The following GRID1 variants were observed in gnomAD, a reference collection of about 807,000 sequenced individuals.
GRID1 encodes the protein glutamate ionotropic receptor delta type subunit 1, also known as glutamate receptor ionotropic, delta-1.
In GRID1, 28 loss-of-function variants were observed where a neutral mutation model predicts 98.0. That is an observed-to-expected ratio of 0.29 (90% CI 0.21 to 0.39). GRID1 has a LOEUF of 0.39. Among genes scored for constraint, GRID1 ranks in the 10% least tolerant of loss-of-function variants. GRID1 has a pLI of 1.00. For synonymous variants in GRID1, 553 were observed against 538.5 expected, an observed-to-expected ratio of 1.03 and a Z score of -0.37; for missense variants, 1,111 against 1,340.5, an observed-to-expected ratio of 0.83 and a Z score of 2.67.
rs528399197 is a variant in GRID1 at position 86,292,804 on chromosome 10, G to T, written c.235+71137C>A. Reference sequence around the variant, plus strand: ...GGTGTGTGTATGCAAGTGTGGGTGTGAGTGTGGATGTTAACGTGAGTTTGT... The same window carrying T: ...GGTGTGTGTATGCAAGTGTGGGTGTTAGTGTGGATGTTAACGTGAGTTTGT... On this transcript the variant is annotated intron_variant, in intron 2 of 15. Transcript: ENST00000327946. Among the ~76,000 whole-genome samples, 4 of 152,198 alleles carry T rather than the reference G, an allele frequency of 2.6e-5. No individual in the cohort carries two copies. In the South Asian group the frequency reaches 8.3e-4, roughly 32 times the overall value.
intron 4 of GRID1, chr10:86,052,392 A>C (rs967238956): frequency 3.9e-5 from 6 of 152,198 alleles, no homozygotes; most frequent in Non-Finnish European, 7.3e-5. Context: ...TTAATTTTTG[A>C]AACTTTTCAA....
intron 2 of GRID1, among the ~76,000 whole-genome samples, chr10:86,262,865 G>C (rs1426079080): frequency 6.6e-6 from 1 of 152,158 alleles, no homozygotes; most frequent in Non-Finnish European, 1.5e-5. Context: ...GAGAGCCCAG[G>C]AGCCAGAAGC....
At chr10:86,070,999 C>T (rs1228323646) in intron 4 of GRID1, among the ~76,000 whole-genome samples, 1 of 152,236 alleles carries the variant, frequency 6.6e-6, no homozygotes, top group Non-Finnish European at 1.5e-5. Context: ...CCCAAGCTGA[C>T]ACACTGCAGG....
At chr10:85,756,290 C>T (rs1408201850) in intron 8 of GRID1, among the ~76,000 whole-genome samples, 1 of 152,126 alleles carries the variant, frequency 6.6e-6, no homozygotes, top group Admixed American at 6.6e-5. Context: ...GATTCGTTCT[C>T]GCCGTAGATC....
rs76607261 is a variant in GRID1 at position 85,959,678 on chromosome 10, G to C, written c.727-43439C>G. Among the ~76,000 whole-genome samples the C allele has an allele frequency of 4.3e-3, 650 of 152,260 alleles. 21 individuals carry two copies. In the East Asian group the frequency reaches 0.085, roughly 20 times the overall value. The stretch of plus-strand genomic sequence containing the variant: ...CTTTTGCTCAGCATAATGTTTTTGA[G>C]ATTCATCTTTGTCACTGTGTGTATC... On this transcript the variant is annotated intron_variant, in intron 4 of 15. Transcript: ENST00000327946.
chr10:85,831,379 C>A (rs965586838), intron 8 of GRID1, among the ~76,000 whole-genome samples: 3 of 151,984 alleles, frequency 2.0e-5, no homozygotes, highest in Admixed American at 2.0e-4. Flanking sequence ...ACCAAACCCC[C>A]ATGACATGCA....
At chr10:85,634,998 G>GGAAAA (rs1843019122) in intron 13 of GRID1, among the ~76,000 whole-genome samples, 2 of 35,008 alleles carry the variant, frequency 5.7e-5, no homozygotes, top group Admixed American at 5.1e-4. Context: ...GAGGAAATCT[G>GGAAAA]AAAAAAAAAA....
intron 2 of GRID1, among the ~76,000 whole-genome samples, chr10:86,219,854 A>C (rs2132028495): frequency 6.6e-6 from 1 of 152,296 alleles, no homozygotes; most frequent in Non-Finnish European, 1.5e-5. Context: ...CTCACAAACT[A>C]ACTCTGTCCA....
At chr10:85,927,756 G>A (rs1841796123) in intron 4 of GRID1, among the ~76,000 whole-genome samples, 1 of 152,230 alleles carries the variant, frequency 6.6e-6, no homozygotes. Flanking sequence ...AAATGGAGAT[G>A]CAGACTTGGG....
chr10:85,930,830 A>G (rs958913664), intron 4 of GRID1, among the ~76,000 whole-genome samples: 1 of 151,962 alleles, frequency 6.6e-6, no homozygotes, highest in African/African-American at 2.4e-5. Context: ...ATCTTCTAGT[A>G]TGGATGTTAC....
chr10:85,627,755 A>C (rs1842928253), intron 13 of GRID1, among the ~76,000 whole-genome samples: 1 of 152,202 alleles, frequency 6.6e-6, no homozygotes, highest in Admixed American at 6.5e-5. Context: ...GTTTCCTAAA[A>C]GGAAGGTTGG....
intron 4 of GRID1, among the ~76,000 whole-genome samples, chr10:86,116,971 C>A (rs930213421): frequency 8.6e-5 from 13 of 152,034 alleles, no homozygotes; most frequent in Admixed American, 6.5e-4. Context: ...ATCACTATCA[C>A]CATCACAACC....
chr10:85,835,698 A>G (rs1842906449), intron 8 of GRID1, among the ~76,000 whole-genome samples: 1 of 152,236 alleles, frequency 6.6e-6, no homozygotes, highest in African/African-American at 2.4e-5. Context: ...TAATTGACAC[A>G]TATAGAACAT....
chr10:85,625,807 G>A (rs1842905625), intron 13 of GRID1, among the ~76,000 whole-genome samples: 1 of 152,218 alleles, frequency 6.6e-6, no homozygotes, highest in African/African-American at 2.4e-5. Context: ...AGCCACAAGT[G>A]AGCTGATTGG....
chr10:85,994,341 C>T (rs1842715768), intron 4 of GRID1, among the ~76,000 whole-genome samples: 1 of 152,196 alleles, frequency 6.6e-6, no homozygotes. Context: ...AGGCAGGGTG[C>T]TTTCCAGAGG....
At chr10:85,750,426 A>G (rs1224207761) in intron 8 of GRID1, among the ~76,000 whole-genome samples, 1 of 152,208 alleles carries the variant, frequency 6.6e-6, no homozygotes, top group Admixed American at 6.5e-5. Context: ...ACAACTTGCA[A>G]TGTAAAATGT....
intron 4 of GRID1, among the ~76,000 whole-genome samples, chr10:86,071,121 A>C (rs1318913640): frequency 1.3e-5 from 2 of 152,222 alleles, no homozygotes; most frequent in African/African-American, 2.4e-5. Context: ...TTAAAATTCC[A>C]ACAAGAATAA....
At chr10:86,188,119 C>T (rs1589403634) in intron 3 of GRID1, among the ~76,000 whole-genome samples, 1 of 152,304 alleles carries the variant, frequency 6.6e-6, no homozygotes, top group Middle Eastern at 3.4e-3. Flanking sequence ...GAGGCGTGAG[C>T]GTGTATGGCT....
intron 8 of GRID1, among the ~76,000 whole-genome samples, chr10:85,795,306 C>G (rs964104991): frequency 5.9e-5 from 9 of 152,126 alleles, no homozygotes; most frequent in African/African-American, 2.2e-4. Flanking sequence ...GTTCCTGGGG[C>G]AGCCAGACCA....
Sources: gnomAD v4.1 joint callset for allele counts (sites outside exome capture counted in the v4.1 genomes callset) on GRCh38, gnomAD v4.1.1 for gene constraint, MANE v1.5 for transcripts, NCBI Gene and HGNC (gene_info 2026-07-23, HGNC 2026-07-21) for gene names.